The following ALS2 variants were observed in gnomAD, a reference collection of about 807,000 sequenced individuals.
ALS2 encodes the protein alsin.
A neutral mutation model predicts 203.4 loss-of-function variants in ALS2; 117 were observed. The observed-to-expected ratio is 0.58, with a 90% CI of 0.50 to 0.67. The LOEUF (loss-of-function observed/expected upper bound fraction) is 0.67, where lower values mean the gene tolerates loss of function less well. Ranked by LOEUF, ALS2 falls within the 30% of genes least tolerant of loss-of-function variation. ALS2 has a pLI of 0.00. For synonymous variants in ALS2, 718 were observed against 725.9 expected, an observed-to-expected ratio of 0.99 and a Z score of 0.17; for missense variants, 1,715 against 1,989.4, an observed-to-expected ratio of 0.86 and a Z score of 2.62.
At chr2:201,758,786 T>G (rs77120971) in intron 4 of ALS2, among the ~76,000 whole-genome samples, 3,560 of 103,156 alleles carry the variant, frequency 0.035, 47 homozygotes, top group South Asian at 0.042. Context: ...GTGTGTGTGT[T>G]TGTTTGTATA....
rs756635385 is a variant in ALS2, at chr2:201,757,529, A to G, written c.1344T>C (p.Asp448=). Residue 448 remains aspartate (D), a synonymous_variant, in exon 5 of 34, where the codon GAT becomes GAC. Transcript: ENST00000264276. ...CCTGTTTAACCTGTTCTTCCCTGCT[A>G]TCTTTCAAACCTTCGGGGCCAATGG... ...SSAIGPEGLK[D]SREEQVKQES... is the part of the protein sequence containing the mutation. 5 of 1,613,970 alleles carry G rather than the reference A, an allele frequency of 3.1e-6. No individual in the cohort carries two copies. In the African/African-American group the frequency reaches 4.0e-5, roughly 13 times the overall value.
In ALS2 at chr2:201,761,247, C is replaced by T. The variant is rs1285252577; in HGVS notation, c.747G>A (p.Val249=). Residue 249 remains valine (V), a synonymous_variant, in exon 4 of 34, where the codon GTG becomes GTA. Coordinates refer to ENST00000264276, the MANE Select transcript of ALS2 (RefSeq NM_020919.4). ...GGCAACAATGACTGTCTGATATAAT[C>T]ACATGGTCTTCTTTGTCAGTCATAG... ...LITMTDKEDH[V]IISDSHCCPL... The T allele has an allele frequency of 3.1e-6, 5 of 1,614,016 alleles. No homozygotes were observed. Among genetic ancestry groups the T allele is most frequent in the African/African-American group, 1.3e-5 (1 of 74,896 alleles).
Position 201,713,136 on chromosome 2 carries a change from T to TC in ALS2, c.4005-2029_4005-2028insG, listed in dbSNP as rs1553502214. ...TCATTCTTTCTCCTTTTCTTTTCTT[T>TC]TTTTTTTTTTTTTTTTTGAGATGGA... is the stretch of plus-strand genomic sequence containing the variant. On this transcript the variant is annotated intron_variant, in intron 25 of 33. Coordinates refer to ENST00000264276, the MANE Select transcript of ALS2 (RefSeq NM_020919.4). Among the ~76,000 whole-genome samples the TC allele has an allele frequency of 8.9e-5, 9 of 101,062 alleles. No homozygotes were observed. In the East Asian group the frequency reaches 2.4e-3, roughly 27 times the overall value. The allele number at this position is 101,062 out of a possible 152,430, so 66.3% of individuals were successfully genotyped here.
chr2:201,727,762 T>A lies in ALS2; in HGVS notation c.2855A>T (p.His952Leu), dbSNP rs372139071. The A allele has an allele frequency of 6.4e-7, 1 of 1,551,554 alleles. No individual in the cohort carries two copies. Among genetic ancestry groups the A allele is most frequent in the African/African-American group, 1.4e-5 (1 of 73,030 alleles). Residue 952 changes from histidine (H) to leucine (L), a missense_variant, in exon 16 of 34, where the codon CAT (histidine) becomes CTT (leucine). His to Leu is a moderately conservative substitution (Grantham distance 99). Transcript: ENST00000264276. ...CCACAGCGTGGCCAGAGGGAAAACA[T>A]GGTGCGTGGAGAACTGAAACAGAGA... ...ALVHAQFSTH[H>L]VFPLATLWAE...
intron 1 of ALS2, among the ~76,000 whole-genome samples, chr2:201,773,672 T>G (rs1252989749): frequency 2.6e-5 from 4 of 152,176 alleles, no homozygotes; most frequent in African/African-American, 9.7e-5. Flanking sequence ...GCTGCTAAAC[T>G]TGGGAGGGCG....
At chr2:201,771,577 C>T (rs1424560720) in intron 1 of ALS2, among the ~76,000 whole-genome samples, 1 of 152,154 alleles carries the variant, frequency 6.6e-6, no homozygotes, top group Non-Finnish European at 1.5e-5. Flanking sequence ...ATCTAACATT[C>T]TTTCTCAATT....
chr2:201,729,663 G>C (rs533966458), intron 13 of ALS2, among the ~76,000 whole-genome samples: 1 of 152,068 alleles, frequency 6.6e-6, no homozygotes, highest in Admixed American at 6.5e-5. Flanking sequence ...GGCGGATCAC[G>C]AGGTCAGGAG....
chr2:201,765,726 T>C (rs1284842802), intron 3 of ALS2: 2 of 167,088 alleles, frequency 1.2e-5, no homozygotes, highest in East Asian at 3.8e-4. Flanking sequence ...ATTGAGTTGA[T>C]AAAGTGCCAT....
chr2:201,764,173 G>A (rs1192013585), intron 3 of ALS2, among the ~76,000 whole-genome samples: 1 of 152,104 alleles, frequency 6.6e-6, no homozygotes, highest in Non-Finnish European at 1.5e-5. Flanking sequence ...TAAGCTCACT[G>A]GTTAAGCTCT....
intron 15 of ALS2, among the ~76,000 whole-genome samples, 177 bp from the exon 16 acceptor site, chr2:201,727,952 C>T (rs749540039): frequency 5.9e-5 from 9 of 152,196 alleles, no homozygotes; most frequent in Non-Finnish European, 1.5e-5. Flanking sequence ...CCCCATAACA[C>T]AGCTAACCCA....
chr2:201,767,113 A>C (rs982699837), intron 3 of ALS2, 116 bp downstream of exon 3: 1 of 1,215,344 alleles, frequency 8.2e-7, no homozygotes, highest in East Asian at 2.5e-5. Flanking sequence ...TTTAAAAAAA[A>C]AAGAAAGAAA....
chr2:201,756,081 T>C (rs1014979042), intron 5 of ALS2, among the ~76,000 whole-genome samples: 5 of 152,212 alleles, frequency 3.3e-5, no homozygotes, highest in African/African-American at 1.2e-4. Context: ...TTTCGAAAGA[T>C]ACTTTAGGTT....
chr2:201,716,868 C>T (rs967904184), intron 24 of ALS2, among the ~76,000 whole-genome samples: 5 of 151,900 alleles, frequency 3.3e-5, no homozygotes, highest in Admixed American at 2.0e-4. Flanking sequence ...AAACATGGTA[C>T]AGAAAACATA....
intron 13 of ALS2, among the ~76,000 whole-genome samples, chr2:201,731,718 G>GA (rs1691566590): frequency 6.6e-6 from 1 of 152,088 alleles, no homozygotes; most frequent in Non-Finnish European, 1.5e-5. Context: ...GTTTTGTTTT[G>GA]AAAAAGCTTC....
At chr2:201,754,746 A>G in intron 5 of ALS2, 75 bp from the exon 6 acceptor site, 1 of 1,519,028 alleles carries the variant, frequency 6.6e-7, no homozygotes, top group South Asian at 1.2e-5. Flanking sequence ...GGACAAACTT[A>G]AGATTTTCAA....
chr2:201,738,297 C>T (rs1574733762), intron 12 of ALS2, among the ~76,000 whole-genome samples: 1 of 152,124 alleles, frequency 6.6e-6, no homozygotes. Flanking sequence ...GTTGTATCTG[C>T]GCAAACACTT....
At chr2:201,722,999 A>G in intron 23 of ALS2, 44 bp downstream of exon 23, 7 of 1,455,900 alleles carry the variant, frequency 4.8e-6, no homozygotes, top group Non-Finnish European at 6.6e-6. Flanking sequence ...AAAATTAGTA[A>G]AAGAATTTAT....
At chr2:201,774,481 C>A (rs1047355236) in intron 1 of ALS2, among the ~76,000 whole-genome samples, 1 of 152,136 alleles carries the variant, frequency 6.6e-6, no homozygotes, top group African/African-American at 2.4e-5. Context: ...TCCCACCCTG[C>A]TATACATTTT....
chr2:201,771,026 A>C (rs1487796368), intron 1 of ALS2, among the ~76,000 whole-genome samples: 1 of 145,920 alleles, frequency 6.9e-6, no homozygotes, highest in Non-Finnish European at 1.5e-5. Context: ...ACATCTTTTT[A>C]CATCAGTATT....
Sources: allele counts gnomAD v4.1 joint callset (sites outside exome capture counted in the v4.1 genomes callset), GRCh38; gene constraint gnomAD v4.1.1; transcripts MANE v1.5; gene names NCBI Gene and HGNC (gene_info 2026-07-23, HGNC 2026-07-21).